AHCTF1: variants seen among roughly 807,000 people sequenced by gnomAD.
AHCTF1 encodes the protein AT-hook containing transcription factor 1.
In AHCTF1, 24 loss-of-function variants were observed where a neutral mutation model predicts 248.4. That is an observed-to-expected ratio of 0.10 (90% CI 0.07 to 0.14). The LOEUF is 0.14. Among genes scored for constraint, AHCTF1 ranks in the 10% least tolerant of loss-of-function variants. AHCTF1 has a pLI of 1.00. For missense variants in AHCTF1, 2,206 were observed against 2,636.2 expected (o/e 0.84, Z 3.57); for synonymous variants, 786 against 929.8 (o/e 0.85, Z 2.81).
chr1:246,926,091 C>T (rs1306017710), intron 1 of AHCTF1, among the ~76,000 whole-genome samples: 1 of 151,370 alleles, frequency 6.6e-6, no homozygotes, highest in Non-Finnish European at 1.5e-5. Flanking sequence ...TCACTCCCCA[C>T]TCTCATCATG....
Position 246,850,231 on chromosome 1 carries a change from G to A in AHCTF1, c.5775C>T (p.Ser1925=), listed in dbSNP as rs189451209. 57 of 1,613,706 alleles carry A rather than the reference G, an allele frequency of 3.5e-5. No individual in the cohort carries two copies. In the Middle Eastern group the frequency reaches 1.2e-3, roughly 33 times the overall value. The part of the protein sequence containing the change: ...ENTGNKQDDK[S]SDKQLRIKHV... ...GTTTAATACGCAGCTGCTTGTCACT[G>A]GATTTATCATCTTGCTTATTTCCTG... Residue 1925 remains serine (S), a synonymous_variant, in exon 33 of 36, where the codon TCC becomes TCT. Coordinates refer to ENST00000648844, the MANE Select transcript of AHCTF1 (RefSeq NM_001323342.2).
intron 1 of AHCTF1, among the ~76,000 whole-genome samples, chr1:246,929,824 C>T (rs574782924): frequency 5.9e-5 from 9 of 152,296 alleles, no homozygotes; most frequent in South Asian, 4.1e-4. Flanking sequence ...GAGGCCAAGG[C>T]GGGCGGATCA....
At chr1:246,846,480 C>T (rs2103033667) in intron 33 of AHCTF1, among the ~76,000 whole-genome samples, 2 of 152,052 alleles carry the variant, frequency 1.3e-5, no homozygotes, top group Middle Eastern at 6.8e-3. Flanking sequence ...GGAAACAAGG[C>T]TCATAAAGGT....
At chr1:246,896,733 A>G (rs1201528531) in intron 12 of AHCTF1, among the ~76,000 whole-genome samples, 3 of 152,226 alleles carry the variant, frequency 2.0e-5, no homozygotes, top group Non-Finnish European at 2.9e-5. Flanking sequence ...ATATCTCAAT[A>G]AAGCTGATAT....
At chr1:246,907,870 A>T in intron 4 of AHCTF1, 112 bp from the exon 5 acceptor site, 1 of 890,750 alleles carries the variant, frequency 1.1e-6, no homozygotes, top group Non-Finnish European at 1.7e-6. Context: ...AAATGAAGTT[A>T]ATTGAAATTA....
intron 33 of AHCTF1, among the ~76,000 whole-genome samples, chr1:246,848,141 A>C (rs898478816): frequency 2.0e-5 from 3 of 152,162 alleles, no homozygotes; most frequent in African/African-American, 7.2e-5. Flanking sequence ...TATAGCTACA[A>C]ATCATTTTTA....
chr1:246,847,642 A>T (rs1409982088), intron 33 of AHCTF1, among the ~76,000 whole-genome samples: 1 of 152,090 alleles, frequency 6.6e-6, no homozygotes, highest in Non-Finnish European at 1.5e-5. Flanking sequence ...TGGGACCACA[A>T]GCCTATGCCA....
At position 246,839,570 on chromosome 1, in the gene AHCTF1, AAC is replaced by A; in HGVS notation, c.*1234_*1235del. On this transcript the variant is annotated 3_prime_UTR_variant, in exon 36 of 36. Coordinates refer to ENST00000648844, the MANE Select transcript of AHCTF1 (RefSeq NM_001323342.2). ...GCACTCGCACTGCTTTCACACTGTC[AAC>A]ACTTTGCGTAGGCATTTTCACCAAT... 1.0e-6 allele frequency: 1 copy of A among 985,874 alleles called. No individual in the cohort carries two copies. The highest frequency in any genetic ancestry group is 1.2e-6 in the Non-Finnish European group (1 of 829,918). The allele number at this position is 985,874 out of a possible 1,614,324, so 61.1% of individuals were successfully genotyped here.
intron 1 of AHCTF1, among the ~76,000 whole-genome samples, chr1:246,930,051 C>CAA (rs201449234): frequency 1.8e-5 from 2 of 113,894 alleles, no homozygotes; most frequent in African/African-American, 5.7e-5. Flanking sequence ...GACCCCGTCT[C>CAA]AAAAAAAAAA....
At chr1:246,846,010 T>G (rs1374022470) in intron 33 of AHCTF1, among the ~76,000 whole-genome samples, 1 of 151,206 alleles carries the variant, frequency 6.6e-6, no homozygotes, top group Non-Finnish European at 1.5e-5. Flanking sequence ...TCAATGAACT[T>G]CAGTTTCCTC....
rs1312765906 is a variant in AHCTF1, at chr1:246,904,355, C to CTAAA, written c.882-326_882-323dup. 1.2e-4 allele frequency among the ~76,000 whole-genome samples: 18 copies of CTAAA among 152,292 alleles called. 1 individual carries two copies. In the South Asian group the frequency reaches 3.1e-3, roughly 26 times the overall value. On this transcript the variant is annotated intron_variant, in intron 6 of 35. Transcript: ENST00000648844. ...ATACTCTACTTAAACACATGGTTGC[C>CTAAA]TAAAGTTCTATAACATCTCCCAGCT...
chr1:246,855,187 A>G (rs1661026979), intron 31 of AHCTF1, among the ~76,000 whole-genome samples: 1 of 152,210 alleles, frequency 6.6e-6, no homozygotes, highest in Non-Finnish European at 1.5e-5. Context: ...GATCAGACCA[A>G]TTCTGGGCAT....
chr1:246,855,358 G>A (rs753118573), intron 31 of AHCTF1, among the ~76,000 whole-genome samples: 2 of 152,260 alleles, frequency 1.3e-5, no homozygotes, highest in Non-Finnish European at 2.9e-5. Flanking sequence ...TAATTTCCCT[G>A]GAGAATATTC....
intron 4 of AHCTF1, among the ~76,000 whole-genome samples, chr1:246,911,199 T>C (rs1279757762): frequency 2.0e-5 from 3 of 152,292 alleles, no homozygotes; most frequent in East Asian, 1.9e-4. Flanking sequence ...CGCCACCATA[T>C]TGACTTGAAG....
intron 7 of AHCTF1, among the ~76,000 whole-genome samples, chr1:246,903,657 C>CCA (rs1220475083): frequency 1.7e-5 from 2 of 115,288 alleles, no homozygotes; most frequent in African/African-American, 7.0e-5. Flanking sequence ...GTGAGACCCC[C>CCA]CCCCCTCCGT....
At chr1:246,870,416 T>C (rs754850462) in intron 24 of AHCTF1, among the ~76,000 whole-genome samples, 1 of 152,120 alleles carries the variant, frequency 6.6e-6, no homozygotes, top group Admixed American at 6.5e-5. Flanking sequence ...GACAAAGACC[T>C]TGTCTCTTAA....
intron 33 of AHCTF1, among the ~76,000 whole-genome samples, chr1:246,847,477 T>TA (rs1558207261): frequency 2.6e-5 from 4 of 152,128 alleles, no homozygotes; most frequent in Admixed American, 2.0e-4. Flanking sequence ...ACTTCTATTT[T>TA]AGAGTTTTCA....
At position 246,892,301 on chromosome 1, in the gene AHCTF1, C is replaced by CTTTTTTTTTTTTT. The variant is rs74163502; in HGVS notation, c.1805-395_1805-383dup. On this transcript the variant is annotated intron_variant, in intron 14 of 35. Coordinates refer to ENST00000648844, the MANE Select transcript of AHCTF1 (RefSeq NM_001323342.2). ...TTAAATCAAATTCTAATTTGTTTTA[C>CTTTTTTTTTTTTT]TTTTTTTTTTTTTTTTTTTTTTTTT... Among the ~76,000 whole-genome samples, 10 of 64,966 alleles carry CTTTTTTTTTTTTT rather than the reference C, an allele frequency of 1.5e-4. 1 individual carries two copies. Among genetic ancestry groups the CTTTTTTTTTTTTT allele is most frequent in the African/African-American group, 1.9e-4 (3 of 15,942 alleles). 42.6% of individuals were successfully genotyped at this position (64,966 alleles called of 152,430 possible). A position where few individuals can be genotyped will look rare whatever the true frequency, so the allele number is the denominator to read the frequency against.
In AHCTF1 at chr1:246,858,371, A is replaced by G. The variant is rs74391332; in HGVS notation, c.4133-557T>C. Among the ~76,000 whole-genome samples, 508 of 152,260 alleles carry G rather than the reference A, an allele frequency of 3.3e-3. 3 individuals carry two copies. Among genetic ancestry groups the G allele is most frequent in the African/African-American group, 0.012 (485 of 41,544 alleles). ...GCAACTGTTTTATATACATTAACTTACTTAATCCTCAACATTCAAAAAAAG... is the reference window on the plus strand; with the variant it reads ...GCAACTGTTTTATATACATTAACTTGCTTAATCCTCAACATTCAAAAAAAG... On this transcript the variant is annotated intron_variant, in intron 29 of 35. Transcript: ENST00000648844.
Sources: allele counts gnomAD v4.1 joint callset (sites outside exome capture counted in the v4.1 genomes callset), GRCh38; gene constraint gnomAD v4.1.1; transcripts MANE v1.5; gene names NCBI Gene and HGNC (gene_info 2026-07-23, HGNC 2026-07-21).